PDE1C: variants seen among roughly 807,000 people sequenced by gnomAD.
PDE1C encodes phosphodiesterase 1C, also known as dual specificity calcium/calmodulin-dependent 3',5'-cyclic nucleotide phosphodiesterase 1C.
A neutral mutation model predicts 93.1 loss-of-function variants in PDE1C; 62 were observed. The ratio of observed to expected loss-of-function variants is 0.67; its 90% confidence interval spans 0.54 to 0.82. The LOEUF (loss-of-function observed/expected upper bound fraction) is 0.82. Among genes scored for constraint, PDE1C ranks in the 40% least tolerant of loss-of-function variants. The probability of loss-of-function intolerance (pLI) is 0.00; values close to 1 mark genes in which losing one functional copy is unlikely to be tolerated. For synonymous variants in PDE1C, 325 were observed against 310.1 expected, an observed-to-expected ratio of 1.05 and a Z score of -0.50; for missense variants, 742 against 884.6, an observed-to-expected ratio of 0.84 and a Z score of 2.04.
intron 2 of PDE1C, among the ~76,000 whole-genome samples, chr7:32,175,213 T>C (rs1161688778): frequency 1.3e-5 from 2 of 152,162 alleles, no homozygotes; most frequent in East Asian, 1.9e-4. Context: ...GAAAACAATA[T>C]ACAGGCATAC....
the PDE1C span, among the ~76,000 whole-genome samples, chr7:31,694,130 C>T: frequency 1.2e-4 from 18 of 152,068 alleles, no homozygotes; most frequent in Admixed American, 6.6e-5. Flanking sequence ...AAGACATATG[C>T]AGAAATAATA....
chr7:31,768,273 A>G (rs563385574), intron 17 of PDE1C, among the ~76,000 whole-genome samples: 19 of 152,162 alleles, frequency 1.2e-4, no homozygotes, highest in Non-Finnish European at 2.2e-4. Flanking sequence ...AAATGCTAAG[A>G]AGGCCAGTGA....
intron 17 of PDE1C, among the ~76,000 whole-genome samples, chr7:31,774,159 A>G (rs1795680574): frequency 6.6e-6 from 1 of 152,194 alleles, no homozygotes; most frequent in Non-Finnish European, 1.5e-5. Flanking sequence ...AAATGCTGCT[A>G]ATTGAATTTT....
At chr7:31,768,822 G>A (rs1795304343) in intron 17 of PDE1C, among the ~76,000 whole-genome samples, 2 of 151,568 alleles carry the variant, frequency 1.3e-5, no homozygotes, top group Admixed American at 6.6e-5. Flanking sequence ...TGAATGGAGT[G>A]GCCCAGGCTG....
At chr7:31,693,297 A>G in the PDE1C span, among the ~76,000 whole-genome samples, 8 of 152,214 alleles carry the variant, frequency 5.3e-5, no homozygotes, top group African/African-American at 1.9e-4. Flanking sequence ...ACAGGTTTGT[A>G]CCTCAAGAGA....
intron 16 of PDE1C, among the ~76,000 whole-genome samples, chr7:31,808,522 A>G (rs1227772709): frequency 6.6e-6 from 1 of 151,932 alleles, no homozygotes; most frequent in African/African-American, 2.4e-5. Flanking sequence ...TGCTGGCAAA[A>G]CTGTATTTTA....
chr7:32,248,283 G>C (rs759765098), intron 1 of PDE1C, among the ~76,000 whole-genome samples: 3 of 152,104 alleles, frequency 2.0e-5, no homozygotes, highest in Non-Finnish European at 4.4e-5. Context: ...GTCCTCGAGG[G>C]AAAGAATTTA....
At chr7:31,867,080 T>C (rs1795391859) in intron 6 of PDE1C, among the ~76,000 whole-genome samples, 1 of 152,084 alleles carries the variant, frequency 6.6e-6, no homozygotes, top group Non-Finnish European at 1.5e-5. Context: ...CCCATAACTC[T>C]GGAGCCCCAT....
chr7:32,235,519 A>C (rs1461357508), intron 1 of PDE1C, among the ~76,000 whole-genome samples: 1 of 152,072 alleles, frequency 6.6e-6, no homozygotes, highest in Non-Finnish European at 1.5e-5. Flanking sequence ...AACAGTGGAC[A>C]ATTGGAAACT....
At chr7:32,099,062 T>C (rs780864043) in intron 3 of PDE1C, among the ~76,000 whole-genome samples, 2 of 152,188 alleles carry the variant, frequency 1.3e-5, no homozygotes, top group Admixed American at 6.5e-5. Flanking sequence ...AATTTTAAAA[T>C]GTTGGGGGAC....
chr7:31,788,790 G>A (rs957948432), intron 16 of PDE1C: 9 of 152,184 alleles, frequency 5.9e-5, no homozygotes, highest in African/African-American at 2.2e-4. Flanking sequence ...AAAGCTGACA[G>A]AAGAAATCTG....
intron 13 of PDE1C, among the ~76,000 whole-genome samples, chr7:31,824,417 C>A (rs1362397776): frequency 3.3e-5 from 5 of 152,032 alleles, no homozygotes; most frequent in Non-Finnish European, 5.9e-5. Flanking sequence ...GAGGAGCTGC[C>A]CTTGATATAA....
chr7:31,921,252 A>G (rs1802587407), intron 2 of PDE1C, among the ~76,000 whole-genome samples: 1 of 152,184 alleles, frequency 6.6e-6, no homozygotes. Flanking sequence ...TGAATTCAAA[A>G]CTGAGTTAAG....
chr7:32,321,070 A>T (rs1417700110), intron 1 of PDE1C, among the ~76,000 whole-genome samples: 1 of 152,212 alleles, frequency 6.6e-6, no homozygotes, highest in African/African-American at 2.4e-5. Flanking sequence ...GCAGTCCCCC[A>T]TCTCTTGCTC....
At chr7:31,900,548 CAATT>C (rs970800177) in intron 2 of PDE1C, among the ~76,000 whole-genome samples, 6 of 150,598 alleles carry the variant, frequency 4.0e-5, no homozygotes, top group African/African-American at 1.5e-4. Context: ...TAATGACTAT[CAATT>C]AATAAATATG....
intron 3 of PDE1C, among the ~76,000 whole-genome samples, chr7:32,132,677 T>C (rs1236968524): frequency 2.0e-5 from 3 of 151,772 alleles, no homozygotes; most frequent in Admixed American, 2.0e-4. Flanking sequence ...AAAATAACAA[T>C]GACAATAAAT....
At chr7:32,404,265 A>C (rs979062412) in intron 1 of PDE1C, among the ~76,000 whole-genome samples, 10 of 152,264 alleles carry the variant, frequency 6.6e-5, no homozygotes, top group Non-Finnish European at 1.3e-4. Flanking sequence ...TGACTGCCAC[A>C]GAGCAAGCCA....
At chr7:32,002,289 C>T (rs1417913688) in intron 2 of PDE1C, among the ~76,000 whole-genome samples, 1 of 152,108 alleles carries the variant, frequency 6.6e-6, no homozygotes, top group African/African-American at 2.4e-5. Flanking sequence ...AAAAAAGAAA[C>T]ACATTCATAA....
At chr7:31,899,025 C>T (rs901998655) in intron 2 of PDE1C, among the ~76,000 whole-genome samples, 2 of 151,976 alleles carry the variant, frequency 1.3e-5, no homozygotes, top group African/African-American at 4.8e-5. Flanking sequence ...CCCCTCCCTG[C>T]CTCTGTCTGA....
Sources: allele counts gnomAD v4.1 joint callset (sites outside exome capture counted in the v4.1 genomes callset), GRCh38; gene constraint gnomAD v4.1.1; transcripts MANE v1.5; gene names NCBI Gene and HGNC (gene_info 2026-07-23, HGNC 2026-07-21).